Variants in CEP55 observed in about 807,000 individuals in gnomAD.
CEP55 encodes the protein centrosomal protein 55.
CEP55 carries 57 observed loss-of-function variants against 63.2 expected under a neutral mutation model. The ratio of observed to expected loss-of-function variants is 0.90; its 90% CI spans 0.73 to 1.13. The LOEUF is 1.13. Among genes scored for constraint, CEP55 ranks in the 50% most tolerant of loss-of-function variants. The pLI, the probability that CEP55 is intolerant of heterozygous loss-of-function variation, is 0.00. For synonymous variants in CEP55, 178 were observed against 191.6 expected (o/e 0.93, Z 0.59); for missense variants, 456 against 518.9 (o/e 0.88, Z 1.18).
chr10:93,498,913 T>C (rs2057603171), intron 1 of CEP55, among the ~76,000 whole-genome samples: 1 of 152,176 alleles, frequency 6.6e-6, no homozygotes, highest in Admixed American at 6.5e-5. Context: ...CTCATACTCC[T>C]TTATATCCTT....
At chr10:93,497,262 C>A (rs1255851173) in intron 1 of CEP55, among the ~76,000 whole-genome samples, 2 of 152,078 alleles carry the variant, frequency 1.3e-5, no homozygotes, top group East Asian at 1.9e-4. Context: ...CCAATCATTT[C>A]TTTTCTTTTT....
chr10:93,503,235 A>G lies in CEP55; in HGVS notation c.306A>G (p.Glu102=). The change falls in exon 3 of 9, where the codon GAA becomes GAG. Residue 102 remains glutamate (E), a synonymous_variant. Transcript: ENST00000371485. ...KARYSTTTLL[E]QLEETTREGE... is the part of the protein sequence containing the mutation. ...GATATAGTACTACCACATTGCTTGA[A>G]CAGCTGGAAGAGACAACGAGAGAAG... 6.2e-7 allele frequency: 1 copy of G among 1,614,132 alleles called. No individual in the cohort carries two copies. Among genetic ancestry groups the G allele is most frequent in the South Asian group, 1.1e-5 (1 of 91,078 alleles).
At chr10:93,508,108 A>G (rs1320996425) in intron 4 of CEP55, among the ~76,000 whole-genome samples, 1 of 152,208 alleles carries the variant, frequency 6.6e-6, no homozygotes, top group Non-Finnish European at 1.5e-5. Context: ...TCCTTTCTCT[A>G]GAATTTGGTA....
At chr10:93,526,189 C>T (rs2057919923) in intron 8 of CEP55, among the ~76,000 whole-genome samples, 1 of 152,162 alleles carries the variant, frequency 6.6e-6, no homozygotes, top group African/African-American at 2.4e-5. Context: ...ATCTACTCAA[C>T]CTACAAAGGG....
At chr10:93,499,598 A>G (rs1037041450) in intron 1 of CEP55, among the ~76,000 whole-genome samples, 5 of 146,876 alleles carry the variant, frequency 3.4e-5, no homozygotes, top group African/African-American at 1.0e-4. Context: ...CTTGGCTCAC[A>G]GCAACCTCCA....
At chr10:93,518,806 C>T (rs948242203) in intron 6 of CEP55, 71 bp from the exon 7 acceptor site, 2 of 1,022,932 alleles carry the variant, frequency 2.0e-6, no homozygotes, top group Non-Finnish European at 3.0e-6. Context: ...GTGATGTGAG[C>T]TTTCCGTGCA....
At chr10:93,526,827 A>G (rs7076769) in intron 8 of CEP55, among the ~76,000 whole-genome samples, 134,181 of 152,078 alleles carry the variant, frequency 0.88, 59,472 homozygotes, top group Non-Finnish European at 0.93. Flanking sequence ...GCAAACTATC[A>G]CAAGGACAAA....
intron 3 of CEP55, among the ~76,000 whole-genome samples, chr10:93,504,133 C>T (rs1015160998): frequency 3.3e-5 from 5 of 152,106 alleles, no homozygotes; most frequent in African/African-American, 1.2e-4. Context: ...TTGATCAGAC[C>T]TTTGATTCTT....
chr10:93,519,859 C>T, intron 8 of CEP55, 52 bp downstream of exon 8: 1 of 1,598,486 alleles, frequency 6.3e-7, no homozygotes, highest in South Asian at 1.1e-5. Flanking sequence ...CATTTATATA[C>T]CAAATCAGTT....
chr10:93,508,757 C>T (rs1017505993), intron 4 of CEP55, among the ~76,000 whole-genome samples: 5 of 152,132 alleles, frequency 3.3e-5, no homozygotes, highest in Non-Finnish European at 7.3e-5. Flanking sequence ...TATTTAAATG[C>T]CACTTTCTTG....
In CEP55 at chr10:93,517,190, A is replaced by ATAT. The variant is rs2057813552; in HGVS notation, c.937_939dup (p.Ile313dup). 2.5e-6 allele frequency: 4 copies of ATAT among 1,612,334 alleles called. No individual in the cohort carries two copies. The highest frequency in any genetic ancestry group is 3.4e-6 in the Non-Finnish European group (4 of 1,179,350). On this transcript the variant is annotated inframe_insertion, in exon 6 of 9. Transcript: ENST00000371485. ...ATACAAAAACTCAGGGAAGAGAATG[A>ATAT]TATTGCTAGGGGAAAACTTGAAGAA...
intron 3 of CEP55, among the ~76,000 whole-genome samples, chr10:93,506,047 C>G (rs898263151): frequency 2.0e-5 from 3 of 151,934 alleles, no homozygotes; most frequent in Non-Finnish European, 4.4e-5. Flanking sequence ...ACCTCCTCCT[C>G]CCGGGTTCTG....
intron 8 of CEP55, among the ~76,000 whole-genome samples, 196 bp from the exon 9 acceptor site, chr10:93,527,754 G>T (rs965726242): frequency 6.6e-6 from 1 of 151,934 alleles, no homozygotes; most frequent in African/African-American, 2.4e-5. Context: ...GGTGACATGT[G>T]CCTGTAGTCC....
intron 4 of CEP55, among the ~76,000 whole-genome samples, chr10:93,514,104 C>T (rs950073275): frequency 8.4e-4 from 128 of 152,058 alleles, no homozygotes; most frequent in African/African-American, 2.9e-3. Flanking sequence ...CCACCATGCC[C>T]GGCTAAAAAA....
intron 8 of CEP55, among the ~76,000 whole-genome samples, chr10:93,526,339 C>G (rs1304437382): frequency 6.6e-6 from 1 of 152,176 alleles, no homozygotes; most frequent in Non-Finnish European, 1.5e-5. Context: ...AAAAAATGCT[C>G]ATCATCACTG....
chr10:93,522,453 A>C (rs1179694729), intron 8 of CEP55, among the ~76,000 whole-genome samples: 4 of 152,242 alleles, frequency 2.6e-5, no homozygotes, highest in African/African-American at 9.6e-5. Context: ...GACCAAATCT[A>C]TGTCTGACTG....
chr10:93,520,648 G>A (rs756094846), intron 8 of CEP55, among the ~76,000 whole-genome samples: 1 of 151,664 alleles, frequency 6.6e-6, no homozygotes, highest in Non-Finnish European at 1.5e-5. Flanking sequence ...AAACTTGTTG[G>A]GGGTCTGCAT....
Position 93,506,596 on chromosome 10 carries a change from C to T in CEP55, c.460-392C>T, listed in dbSNP as rs368656637. Among the ~76,000 whole-genome samples, 9 of 152,258 alleles carry T rather than the reference C, an allele frequency of 5.9e-5. No homozygotes were observed. In the South Asian group the frequency reaches 1.9e-3, roughly 32 times the overall value. ...TTGTTTTCTTTTTTTGAGACAGAGT[C>T]TCACTCTATTGCTCAGGCTGGAGTG... On this transcript the variant is annotated intron_variant, in intron 3 of 8. Coordinates refer to ENST00000371485, the MANE Select transcript of CEP55 (RefSeq NM_018131.5).
intron 4 of CEP55, among the ~76,000 whole-genome samples, chr10:93,513,923 A>G (rs1430918503): frequency 2.0e-5 from 3 of 149,744 alleles, no homozygotes; most frequent in African/African-American, 7.4e-5. Context: ...ATTTTAACTA[A>G]TTGCATCTGC....
Sources: gnomAD v4.1 joint callset for allele counts (sites outside exome capture counted in the v4.1 genomes callset) on GRCh38, gnomAD v4.1.1 for gene constraint, MANE v1.5 for transcripts, NCBI Gene and HGNC (gene_info 2026-07-23, HGNC 2026-07-21) for gene names.